The following AXIN2 variants were observed in gnomAD, a reference collection of about 807,000 sequenced individuals.
AXIN2 encodes the protein axin-2.
AXIN2 carries 21 observed loss-of-function variants against 74.7 expected under a neutral mutation model. The ratio of observed to expected loss-of-function variants is 0.28; its 90% CI spans 0.20 to 0.40. The LOEUF (loss-of-function observed/expected upper bound fraction) is 0.40. Among genes scored for constraint, AXIN2 ranks in the 10% least tolerant of loss-of-function variants. The pLI, the probability that AXIN2 is intolerant of heterozygous loss-of-function variation, is 1.00. For missense variants in AXIN2, 1,144 were observed against 1,111.1 expected, an observed-to-expected ratio of 1.03 and a Z score of -0.42; for synonymous variants, 532 against 454.9, an observed-to-expected ratio of 1.17 and a Z score of -2.16.
rs1598099082 is a variant in AXIN2, at chr17:65,537,575, C to T, written c.1461G>A (p.Leu487=). 1 of 1,609,698 alleles carries T rather than the reference C, an allele frequency of 6.2e-7. No individual in the cohort carries two copies. Among genetic ancestry groups the T allele is most frequent in the Non-Finnish European group, 8.5e-7 (1 of 1,178,850 alleles). ...YHSLLPPGGK[L]PPAAASPGAC... ...CGCCCGGCGAGGCGGCCGCGGGAGG[C>T]AGCTTGCCACCGGGCGGGAGCAGGG... The change falls in exon 6 of 11, where the codon CTG becomes CTA. Residue 487 remains leucine, a synonymous_variant. Coordinates refer to ENST00000307078, the MANE Select transcript of AXIN2 (RefSeq NM_004655.4).
At chr17:65,560,645 C>A (rs561487492) in intron 1 of AXIN2, 1 of 152,008 alleles carries the variant, frequency 6.6e-6, no homozygotes, top group East Asian at 1.9e-4. Context: ...GGAGGGGGCT[C>A]CGGCGCAGGG....
At chr17:65,560,954 A>G (rs1046833306) in intron 1 of AXIN2, 2 of 144,626 alleles carry the variant, frequency 1.4e-5, no homozygotes, top group African/African-American at 5.0e-5. Flanking sequence ...GTCGGGGAAC[A>G]TGGGGAGTCG....
intron 5 of AXIN2, 89 bp downstream of exon 5, chr17:65,538,114 A>T (rs2043973510): frequency 6.3e-7 from 1 of 1,597,346 alleles, no homozygotes; most frequent in African/African-American, 1.4e-5. Context: ...GCACATGCGC[A>T]CACCCTAACG....
At chr17:65,556,525 G>T (rs1235077682) in intron 2 of AXIN2, among the ~76,000 whole-genome samples, 3 of 152,132 alleles carry the variant, frequency 2.0e-5, no homozygotes, top group African/African-American at 7.2e-5. Flanking sequence ...TTCCACTTAG[G>T]TGTAGACCAG....
Position 65,558,286 on chromosome 17 carries a change from A to C in AXIN2, c.335T>G (p.Phe112Cys). Residue 112 changes from phenylalanine to cysteine, a missense_variant, in exon 2 of 11, where the codon TTT becomes TGT. Phe to Cys is a radical substitution (Grantham distance 205). Around this residue, in one of 4 missense-constraint regions of AXIN2, gnomAD observed 1,053 missense variants for 973.5 expected, o/e 1.08. Coordinates refer to ENST00000307078, the MANE Select transcript of AXIN2 (RefSeq NM_004655.4). Reference sequence around the variant, plus strand: ...CATCTGCCTGAATCCATTGCAGGCAAACCAGAAGTCTAAGGTATCCACGCA... The same window carrying C: ...CATCTGCCTGAATCCATTGCAGGCACACCAGAAGTCTAAGGTATCCACGCA... ...EKCVDTLDFW[F>C]ACNGFRQMNL... 6.2e-7 allele frequency: 1 copy of C among 1,614,192 alleles called. No homozygotes were observed. The highest frequency in any genetic ancestry group is 8.5e-7 in the Non-Finnish European group (1 of 1,180,036).
At chr17:65,533,064 G>A (rs748620526) in intron 10 of AXIN2, among the ~76,000 whole-genome samples, 19 of 152,216 alleles carry the variant, frequency 1.2e-4, no homozygotes, top group Admixed American at 1.1e-3. Flanking sequence ...CTCCTTACGA[G>A]GGAAATGATC....
intron 1 of AXIN2, 164 bp downstream of exon 1, chr17:65,561,267 CCCGCAGCCCCGCCACCGCT>C (rs1346720424): frequency 6.8e-6 from 1 of 147,398 alleles, no homozygotes; most frequent in Admixed American, 6.7e-5. Flanking sequence ...CGGGCCGCCC[CCCGCAGCCCCGCCACCGCT>C]CCGCAGGGCC....
In AXIN2 at chr17:65,529,475, G is replaced by A. The variant is rs2043781075; in HGVS notation, c.*501C>T. 3.5e-6 allele frequency: 1 copy of A among 282,894 alleles called. No homozygotes were observed. The highest frequency in any genetic ancestry group is 4.7e-5 in the Admixed American group (1 of 21,374). The allele number at this position is 282,894 out of a possible 1,614,324, so 17.5% of individuals were successfully genotyped here. A position where few individuals can be genotyped will look rare whatever the true frequency, so the allele number is the denominator to read the frequency against. On this transcript the variant is annotated 3_prime_UTR_variant, in exon 11 of 11. Transcript: ENST00000307078. Reference sequence around the variant, plus strand: ...AAAGCATAATTCCTCTGTTAGTGAAGAAACCATGAACGCACTCCTAGCTCA... The same window carrying A: ...AAAGCATAATTCCTCTGTTAGTGAAAAAACCATGAACGCACTCCTAGCTCA...
chr17:65,540,846 A>G (rs1043907999), intron 4 of AXIN2, among the ~76,000 whole-genome samples: 1 of 151,860 alleles, frequency 6.6e-6, no homozygotes, highest in African/African-American at 2.4e-5. Context: ...ATGGTTCTTG[A>G]ATAGCCTGCA....
intron 2 of AXIN2, 124 bp downstream of exon 2, chr17:65,557,682 T>C (rs763402835): frequency 8.1e-6 from 8 of 984,844 alleles, no homozygotes; most frequent in Middle Eastern, 2.8e-4. Context: ...AAAGGGTTCA[T>C]GGCCAGCAGT....
At chr17:65,536,784 G>T in intron 7 of AXIN2, 85 bp downstream of exon 7, 1 of 1,567,724 alleles carries the variant, frequency 6.4e-7, no homozygotes, top group South Asian at 1.1e-5. Flanking sequence ...GTATTCCGCG[G>T]ACTGCAAAAA....
intron 3 of AXIN2, among the ~76,000 whole-genome samples, chr17:65,547,588 T>C (rs1202369351): frequency 6.6e-6 from 1 of 152,208 alleles, no homozygotes; most frequent in East Asian, 1.9e-4. Flanking sequence ...GGGACTGACA[T>C]GCAGCCAAGG....
At chr17:65,535,923 CTGGGAGCCCAGGA>C (rs1340260763) in intron 8 of AXIN2, among the ~76,000 whole-genome samples, 3 of 152,196 alleles carry the variant, frequency 2.0e-5, no homozygotes, top group Non-Finnish European at 4.4e-5. Flanking sequence ...CTAAGCCCCC[CTGGGAGCCCAGGA>C]TGGGACATTC....
chr17:65,534,930 A>G (rs1036235480), intron 9 of AXIN2, among the ~76,000 whole-genome samples: 1 of 152,170 alleles, frequency 6.6e-6, no homozygotes, highest in Admixed American at 6.5e-5. Context: ...ACTCTGTCTC[A>G]AAAAGAAAAA....
At chr17:65,538,110 G>A (rs2043973316) in intron 5 of AXIN2, 93 bp downstream of exon 5, 3 of 1,593,728 alleles carry the variant, frequency 1.9e-6, no homozygotes, top group South Asian at 1.1e-5. Context: ...CCACGCACAT[G>A]CGCACACCCT....
chr17:65,533,828 C>G, intron 10 of AXIN2, 84 bp downstream of exon 10: 3 of 668,266 alleles, frequency 4.5e-6, no homozygotes, highest in African/African-American at 1.9e-5. Flanking sequence ...CCTAGGTCTG[C>G]TCAGCCAGGG....
chr17:65,544,976 T>A (rs2044097240), intron 3 of AXIN2, among the ~76,000 whole-genome samples: 2 of 152,186 alleles, frequency 1.3e-5, no homozygotes, highest in East Asian at 1.9e-4. Flanking sequence ...AGGAAAAGGT[T>A]AGTATTTGAA....
At chr17:65,555,932 A>C (rs920384198) in intron 2 of AXIN2, among the ~76,000 whole-genome samples, 2 of 151,654 alleles carry the variant, frequency 1.3e-5, no homozygotes, top group Non-Finnish European at 2.9e-5. Context: ...GAGAAGGCAC[A>C]CGTGAATCTC....
intron 2 of AXIN2, among the ~76,000 whole-genome samples, chr17:65,553,215 C>T (rs1213746282): frequency 2.0e-5 from 3 of 152,288 alleles, no homozygotes; most frequent in African/African-American, 4.8e-5. Context: ...GAATCTCCGA[C>T]GCTGAAAGTA....
Sources: gnomAD v4.1 joint callset for allele counts (sites outside exome capture counted in the v4.1 genomes callset) on GRCh38, gnomAD v4.1.1 for gene constraint, gnomAD v4.1.1 regional missense constraint, MANE v1.5 for transcripts, NCBI Gene and HGNC (gene_info 2026-07-23, HGNC 2026-07-21) for gene names.